The following TRAPPC10 variants were observed in gnomAD, a reference collection of about 807,000 sequenced individuals.
TRAPPC10 encodes the protein TRAPP 130 kDa subunit.
Under a neutral mutation model 125.5 loss-of-function variants are expected in TRAPPC10, and 23 were observed. The observed-to-expected ratio is 0.18, with a 90% CI of 0.13 to 0.26. TRAPPC10 has a LOEUF of 0.26. Among genes scored for constraint, TRAPPC10 ranks in the 10% least tolerant of loss-of-function variants. The pLI is 1.00. For synonymous variants in TRAPPC10, 509 were observed against 518.0 expected (o/e 0.98, Z 0.24); for missense variants, 1,123 against 1,308.4 (o/e 0.86, Z 2.19).
intron 3 of TRAPPC10, among the ~76,000 whole-genome samples, chr21:44,040,770 CTTT>C (rs57750878): frequency 7.4e-5 from 10 of 135,304 alleles, no homozygotes; most frequent in Admixed American, 1.5e-4. Context: ...CCACGCCTGC[CTTT>C]TTTTTTTTTT....
intron 3 of TRAPPC10, among the ~76,000 whole-genome samples, chr21:44,039,499 G>A (rs1461350315): frequency 6.6e-6 from 1 of 152,182 alleles, no homozygotes; most frequent in Non-Finnish European, 1.5e-5. Flanking sequence ...GGCAGCAGGC[G>A]TGCTTGCTGC....
intron 1 of TRAPPC10, among the ~76,000 whole-genome samples, chr21:44,018,993 C>T (rs1055081097): frequency 3.9e-5 from 6 of 152,170 alleles, no homozygotes; most frequent in East Asian, 1.9e-4. Flanking sequence ...CTCCCACCCC[C>T]GTGCTCCACT....
chr21:44,030,861 T>C (rs1344367986), intron 1 of TRAPPC10, among the ~76,000 whole-genome samples: 1 of 152,250 alleles, frequency 6.6e-6, no homozygotes, highest in Non-Finnish European at 1.5e-5. Flanking sequence ...CAAAATGTAG[T>C]AATAGTCCCT....
chr21:44,048,797 GTTTT>G (rs34892092), intron 3 of TRAPPC10, among the ~76,000 whole-genome samples: 3 of 105,612 alleles, frequency 2.8e-5, no homozygotes, highest in Admixed American at 9.5e-5. Flanking sequence ...CCCACCCTGT[GTTTT>G]TTTTTTTTTT....
rs536553713 is a variant in TRAPPC10 at position 44,040,104 on chromosome 21, A to G, written c.285+2177A>G. On this transcript the variant is annotated intron_variant, in intron 3 of 22. Transcript: ENST00000291574. ...AAACTTTTCCTTTTGGACAGTATGT[A>G]TCATAGTGTTTATTAACGTCTCCTT... 5.9e-5 allele frequency among the ~76,000 whole-genome samples: 9 copies of G among 152,350 alleles called. No homozygotes were observed. The South Asian group carries it at 1.9e-3, about 32-fold the overall frequency.
intron 3 of TRAPPC10, among the ~76,000 whole-genome samples, chr21:44,047,532 ATGTGTGTGTGTGTGTG>A (rs33940679): frequency 2.1e-5 from 3 of 142,826 alleles, no homozygotes; most frequent in Non-Finnish European, 3.0e-5. Context: ...CTGGGGGAGT[ATGTGTGTGTGTGTGTG>A]TGTGTGTGTG....
intron 11 of TRAPPC10, among the ~76,000 whole-genome samples, chr21:44,078,460 GTGAT>G: frequency 6.9e-6 from 1 of 144,784 alleles, no homozygotes; most frequent in Non-Finnish European, 1.5e-5. Flanking sequence ...AAAAAAAAAA[GTGAT>G]TGAAATGAGA....
At chr21:44,023,055 CAG>C (rs1433675109) in intron 1 of TRAPPC10, among the ~76,000 whole-genome samples, 1 of 90,652 alleles carries the variant, frequency 1.1e-5, no homozygotes, top group Non-Finnish European at 1.9e-5. Flanking sequence ...TTTTTTGAGA[CAG>C]AGTCTTGCTC....
intron 9 of TRAPPC10, among the ~76,000 whole-genome samples, 180 bp from the exon 10 acceptor site, chr21:44,076,372 A>G (rs911755566): frequency 1.3e-5 from 2 of 152,236 alleles, no homozygotes; most frequent in African/African-American, 4.8e-5. Flanking sequence ...TGACTATTTT[A>G]TGAATATGTG....
At position 44,080,124 on chromosome 21, in the gene TRAPPC10, C is replaced by G; in HGVS notation, c.1720C>G (p.Pro574Ala). The G allele has an allele frequency of 6.2e-7, 1 of 1,612,186 alleles. No individual in the cohort carries two copies. The highest frequency in any genetic ancestry group is 1.6e-4 in the Middle Eastern group (1 of 6,062). The change falls in exon 13 of 23, where the codon CCA (proline) becomes GCA (alanine). Residue 574 changes from proline to alanine, a missense_variant. Physicochemically the swap from Pro to Ala is conservative, Grantham distance 27. Around this residue, in one of 4 missense-constraint regions of TRAPPC10, gnomAD observed 840 missense variants for 902.0 expected, o/e 0.93. Coordinates refer to ENST00000291574, the MANE Select transcript of TRAPPC10 (RefSeq NM_003274.5). ...LDFASQPSDS[P>A]GHKIVLPMHS... is the part of the protein sequence containing the mutation. ...CTTTGCCAGCCAGCCGTCAGACAGCCCAGGTAAGACCAGTTCTTACAACTT... is the reference window on the plus strand; with the variant it reads ...CTTTGCCAGCCAGCCGTCAGACAGCGCAGGTAAGACCAGTTCTTACAACTT...
At chr21:44,081,885 A>G (rs2146100575) in intron 13 of TRAPPC10, among the ~76,000 whole-genome samples, 1 of 152,208 alleles carries the variant, frequency 6.6e-6, no homozygotes, top group East Asian at 1.9e-4. Flanking sequence ...TCTCAAAGAA[A>G]GGGGGACAAC....
intron 3 of TRAPPC10, among the ~76,000 whole-genome samples, chr21:44,051,054 C>T (rs1404298544): frequency 1.3e-5 from 2 of 152,208 alleles, no homozygotes; most frequent in Non-Finnish European, 2.9e-5. Flanking sequence ...CAGGTGCACA[C>T]CGCCATGCCC....
rs900124060 is a variant in TRAPPC10 at position 44,088,127 on chromosome 21, C to T, written c.2769+199C>T. ...GGTGCATTTTTTGCAAGGGCAGAGA[C>T]AAGCCAGCTCTACCTTTCCCTCTCA... On this transcript the variant is annotated intron_variant, in intron 17 of 22. Coordinates refer to ENST00000291574, the MANE Select transcript of TRAPPC10 (RefSeq NM_003274.5). 12 of 593,590 alleles carry T rather than the reference C, an allele frequency of 2.0e-5. 1 individual carries two copies. In the Admixed American group the frequency reaches 2.4e-4, roughly 12 times the overall value. The allele number at this position is 593,590 out of a possible 1,614,324, so 36.8% of individuals were successfully genotyped here. A position where few individuals can be genotyped will look rare whatever the true frequency, so the allele number is the denominator to read the frequency against.
chr21:44,076,048 A>T (rs9306173), intron 9 of TRAPPC10, among the ~76,000 whole-genome samples: 2 of 70,724 alleles, frequency 2.8e-5, no homozygotes, highest in African/African-American at 2.6e-4. Context: ...AAACTCTGTC[A>T]AAAAAAAAAA....
rs2039038869 is a variant in TRAPPC10 at position 44,101,006 on chromosome 21, A to G, written c.3347-1772A>G. 6.9e-5 allele frequency among the ~76,000 whole-genome samples: 5 copies of G among 72,058 alleles called. 2 individuals carry two copies. The highest frequency in any genetic ancestry group is 1.5e-4 in the African/African-American group (5 of 32,952). 47.3% of individuals were successfully genotyped at this position (72,058 alleles called of 152,430 possible). On this transcript the variant is annotated intron_variant, in intron 21 of 22. Transcript: ENST00000291574. ...CCCCATCTCTACTAAGAATACAAAA[A>G]TTAGCTGGGCGTGGTGGCAGGCGCC...
chr21:44,067,993 G>A (rs536420827), intron 7 of TRAPPC10, among the ~76,000 whole-genome samples: 36 of 152,114 alleles, frequency 2.4e-4, no homozygotes, highest in Non-Finnish European at 4.4e-4. Context: ...GATGGCAGGC[G>A]CCTGTAATCC....
Position 44,052,364 on chromosome 21 carries a change from T to A in TRAPPC10, c.370T>A (p.Leu124Ile). ...GAAGGCTCATAGCTCTGTGGACTGG[T>A]TAATAGTGATAGTTGAAAATGATGC... ...VLKAHSSVDW[L>I]IVIVENDAKK... The change falls in exon 4 of 23, where the codon TTA becomes ATA. Residue 124 changes from leucine to isoleucine, a missense_variant. Leu to Ile is a conservative substitution (Grantham distance 5). This residue lies in a region of TRAPPC10 where 177 missense variants were observed against 228.9 expected (regional missense o/e 0.77). Coordinates refer to ENST00000291574, the MANE Select transcript of TRAPPC10 (RefSeq NM_003274.5). The A allele has an allele frequency of 3.7e-6, 6 of 1,614,096 alleles. No individual in the cohort carries two copies. The highest frequency in any genetic ancestry group is 4.2e-6 in the Non-Finnish European group (5 of 1,180,010).
chr21:44,089,764 G>T, intron 17 of TRAPPC10, 69 bp from the exon 18 acceptor site: 4 of 1,205,788 alleles, frequency 3.3e-6, no homozygotes, highest in Non-Finnish European at 4.9e-6. Context: ...GTGAGTCTGG[G>T]CAGCAGTGGT....
At chr21:44,088,874 G>A (rs59651599) in intron 17 of TRAPPC10, 38 of 140,148 alleles carry the variant, frequency 2.7e-4, no homozygotes, top group Middle Eastern at 4.9e-3. Context: ...GCTATGTGCC[G>A]TGTTATCCTC....
Sources: allele counts gnomAD v4.1 joint callset (sites outside exome capture counted in the v4.1 genomes callset), GRCh38; gene constraint gnomAD v4.1.1; regional missense constraint gnomAD v4.1.1; transcripts MANE v1.5; gene names NCBI Gene and HGNC (gene_info 2026-07-23, HGNC 2026-07-21).